The following UGT1A10 variants were observed in gnomAD, a reference collection of about 807,000 sequenced individuals.
UGT1A10 encodes the protein UDP glucuronosyltransferase family 1 member A10.
Under a neutral mutation model 45.8 loss-of-function variants are expected in UGT1A10, and 49 were observed. The ratio of observed to expected loss-of-function variants is 1.07; its 90% CI spans 0.85 to 1.36. The LOEUF (loss-of-function observed/expected upper bound fraction) is 1.36, where lower values mean the gene tolerates loss of function less well. Ranked by LOEUF, UGT1A10 falls within the 40% of genes most tolerant of loss-of-function variation. UGT1A10 has a pLI of 0.00. For missense variants in UGT1A10, 745 were observed against 668.6 expected (o/e 1.11, Z -1.26); for synonymous variants, 284 against 249.7 (o/e 1.14, Z -1.29).
intron 1 of UGT1A10, among the ~76,000 whole-genome samples, chr2:233,637,905 C>A (rs980459208): frequency 6.6e-6 from 1 of 152,026 alleles, no homozygotes; most frequent in Admixed American, 6.5e-5. Flanking sequence ...TTGACAAGTT[C>A]TTTTAATAAT....
At chr2:233,676,171 A>C (rs1332547872) in intron 1 of UGT1A10, among the ~76,000 whole-genome samples, 2 of 152,142 alleles carry the variant, frequency 1.3e-5, no homozygotes, top group Non-Finnish European at 2.9e-5. Flanking sequence ...CATTTGTGGA[A>C]ATCATCCAGC....
intron 1 of UGT1A10, among the ~76,000 whole-genome samples, chr2:233,678,337 T>A (rs12477979): frequency 0.61 from 92,461 of 151,094 alleles, 28,505 homozygotes; most frequent in South Asian, 0.65. Context: ...GAGGAAGTCA[T>A]TCATCATAAA....
At chr2:233,667,499 A>G (rs1396101725) in intron 1 of UGT1A10, among the ~76,000 whole-genome samples, 2 of 152,210 alleles carry the variant, frequency 1.3e-5, no homozygotes, top group African/African-American at 4.8e-5. Flanking sequence ...AAAACACCAA[A>G]AGCAGTGGCA....
Position 233,740,185 on chromosome 2 carries a change from CCT to C in UGT1A10, c.856-26846_856-26845del, listed in dbSNP as rs573081380. On this transcript the variant is annotated intron_variant, in intron 1 of 4. Transcript: ENST00000344644. ...CATGTGGAACTGTGAGTCAATTAAA[CCT>C]CTTTCTTTTATAAATTACCCAGTCT... Among the ~76,000 whole-genome samples, 45 of 151,974 alleles carry C rather than the reference CCT, an allele frequency of 3.0e-4. 2 individuals are homozygous for C. Among genetic ancestry groups the C allele is most frequent in the African/African-American group, 9.9e-4 (41 of 41,240 alleles).
chr2:233,661,683 T>TTTC (rs1559329478), intron 1 of UGT1A10, among the ~76,000 whole-genome samples: 1 of 39,422 alleles, frequency 2.5e-5, no homozygotes, highest in African/African-American at 1.2e-4. Context: ...TTCTTTCTTT[T>TTTC]TAAACAAAGG....
intron 1 of UGT1A10, among the ~76,000 whole-genome samples, chr2:233,757,667 T>C (rs1696692140): frequency 6.6e-6 from 1 of 151,042 alleles, no homozygotes; most frequent in South Asian, 2.1e-4. Context: ...ATTTTGGAAA[T>C]TCAAGGAATT....
intron 1 of UGT1A10, chr2:233,761,151 G>A (rs748685520): frequency 3.7e-6 from 6 of 1,614,140 alleles, no homozygotes; most frequent in Non-Finnish European, 5.1e-6. Flanking sequence ...CACTATCCCA[G>A]GTGTGTATTG....
At chr2:233,744,611 C>T (rs1407412531) in intron 1 of UGT1A10, among the ~76,000 whole-genome samples, 1 of 151,864 alleles carries the variant, frequency 6.6e-6, no homozygotes, top group Non-Finnish European at 1.5e-5. Context: ...TAGTACTTGG[C>T]TCTATAGAGA....
At chr2:233,638,110 G>A (rs1425533778) in intron 1 of UGT1A10, among the ~76,000 whole-genome samples, 2 of 152,156 alleles carry the variant, frequency 1.3e-5, no homozygotes, top group African/African-American at 2.4e-5. Context: ...AGGGTTACAG[G>A]GTTTTCCTGA....
At chr2:233,737,138 G>A (rs1186912259) in intron 1 of UGT1A10, among the ~76,000 whole-genome samples, 2 of 152,230 alleles carry the variant, frequency 1.3e-5, no homozygotes, top group African/African-American at 4.8e-5. Flanking sequence ...GCTGCCTTTT[G>A]TTCAGATATG....
At chr2:233,729,319 G>A in intron 1 of UGT1A10, 1 of 1,614,228 alleles carries the variant, frequency 6.2e-7, no homozygotes. Context: ...CACCCCAGAG[G>A]TGAATATGCA....
At chr2:233,746,920 C>A (rs1023587712) in intron 1 of UGT1A10, among the ~76,000 whole-genome samples, 10 of 151,720 alleles carry the variant, frequency 6.6e-5, no homozygotes, top group Admixed American at 4.6e-4. Context: ...TTTCCACAGG[C>A]CTTTGTTGGG....
At chr2:233,637,682 CTA>C (rs1441348613) in intron 1 of UGT1A10, among the ~76,000 whole-genome samples, 4 of 152,076 alleles carry the variant, frequency 2.6e-5, no homozygotes, top group Non-Finnish European at 5.9e-5. Context: ...TTTGTTAATT[CTA>C]TGTGACCCCG....
Position 233,664,739 on chromosome 2 carries a change from C to T in UGT1A10, c.855+27362C>T, listed in dbSNP as rs1048718213. On this transcript the variant is annotated intron_variant, in intron 1 of 4. Transcript: ENST00000344644. ...AAACACCTCCCACCAGGCCCCACCT[C>T]CAACATTGGGTATCATATTTCAACA... Among the ~76,000 whole-genome samples, 5 of 152,188 alleles carry T rather than the reference C, an allele frequency of 3.3e-5. No homozygotes were observed. In the East Asian group the frequency reaches 5.8e-4, roughly 18 times the overall value.
chr2:233,638,468 T>C (rs1339521967), intron 1 of UGT1A10, among the ~76,000 whole-genome samples: 1 of 152,240 alleles, frequency 6.6e-6, no homozygotes, highest in Non-Finnish European at 1.5e-5. Context: ...TTGTCTGATA[T>C]TTGTACTGCT....
chr2:233,644,684 A>G (rs1047516631), intron 1 of UGT1A10, among the ~76,000 whole-genome samples: 3 of 152,214 alleles, frequency 2.0e-5, no homozygotes, highest in Admixed American at 1.3e-4. Flanking sequence ...GTGCCTCCCA[A>G]TTGTCTCCCA....
In UGT1A10 at chr2:233,637,242, G is replaced by C; in HGVS notation, c.720G>C (p.Thr240=). 1.2e-6 allele frequency: 2 copies of C among 1,613,822 alleles called. No homozygotes were observed. The highest frequency in any genetic ancestry group is 1.7e-5 in the Admixed American group (1 of 60,000). ...IASEILQTPV[T]AYDLYSHTSI... is the part of the protein sequence containing the mutation. ...CTGAAATTCTCCAAACCCCTGTCACGGCATATGATCTCTACAGTCACACAT... is the reference window on the plus strand; with the variant it reads ...CTGAAATTCTCCAAACCCCTGTCACCGCATATGATCTCTACAGTCACACAT... The change falls in exon 1 of 5, where the codon ACG becomes ACC. Residue 240 remains threonine (T), a synonymous_variant. Transcript: ENST00000344644.
At chr2:233,665,013 G>A (rs938186334) in intron 1 of UGT1A10, among the ~76,000 whole-genome samples, 2 of 152,156 alleles carry the variant, frequency 1.3e-5, no homozygotes, top group Admixed American at 6.6e-5. Context: ...TATAGAAAAT[G>A]CTCTTAGTAG....
intron 1 of UGT1A10, chr2:233,690,489 C>G: frequency 7.8e-7 from 1 of 1,289,698 alleles, no homozygotes. Context: ...GGGAAATCTG[C>G]TCTTGCCAAC....
Sources: allele counts gnomAD v4.1 joint callset (sites outside exome capture counted in the v4.1 genomes callset), GRCh38; gene constraint gnomAD v4.1.1; transcripts MANE v1.5; gene names NCBI Gene and HGNC (gene_info 2026-07-23, HGNC 2026-07-21).